Variants in UPK1B observed in about 807,000 individuals in gnomAD.
UPK1B encodes the protein uroplakin 1B, also known as uroplakin-1b.
UPK1B carries 28 observed loss-of-function variants against 34.2 expected under a neutral mutation model. The ratio of observed to expected loss-of-function variants is 0.82; its 90% CI spans 0.61 to 1.12. The LOEUF (loss-of-function observed/expected upper bound fraction) is 1.12, where lower values mean the gene tolerates loss of function less well. Among genes scored for constraint, UPK1B ranks in the 50% most tolerant of loss-of-function variants. The probability of loss-of-function intolerance (pLI) is 0.00; values close to 1 mark genes in which losing one functional copy is unlikely to be tolerated. For synonymous variants in UPK1B, 81 were observed against 110.4 expected (o/e 0.73, Z 1.67); for missense variants, 325 against 320.9 (o/e 1.01, Z -0.10).
At chr3:119,188,784 A>C (rs2078031125) in intron 3 of UPK1B, among the ~76,000 whole-genome samples, 1 of 151,900 alleles carries the variant, frequency 6.6e-6, no homozygotes, top group South Asian at 2.1e-4. Flanking sequence ...CCAATCCCCC[A>C]CCCCTGAAAT....
chr3:119,200,517 G>A (rs1361677370), intron 7 of UPK1B, among the ~76,000 whole-genome samples: 1 of 152,064 alleles, frequency 6.6e-6, no homozygotes, highest in Non-Finnish European at 1.5e-5. Context: ...TTGCTTATTT[G>A]GAAAAAATAT....
Position 119,179,507 on chromosome 3 carries a change from CTTTTTT to C in UPK1B, c.-29+5884_-29+5889del, listed in dbSNP as rs71297415. Among the ~76,000 whole-genome samples the C allele has an allele frequency of 9.6e-5, 5 of 52,254 alleles. 1 individual carries two copies. The highest frequency in any genetic ancestry group is 1.2e-3 in the South Asian group (2 of 1,620). The allele number at this position is 52,254 out of a possible 152,430, so 34.3% of individuals were successfully genotyped here. A position where few individuals can be genotyped will look rare whatever the true frequency, so the allele number is the denominator to read the frequency against. ...TTTGGGGAAGAGTTGATGTTGCAGT[CTTTTTT>C]TTTTTTTTTTTTTTGAGACGGAGTC... On this transcript the variant is annotated intron_variant, in intron 1 of 7. Transcript: ENST00000264234.
At chr3:119,196,353 C>A (rs1444070015) in intron 6 of UPK1B, among the ~76,000 whole-genome samples, 1 of 152,000 alleles carries the variant, frequency 6.6e-6, no homozygotes, top group Non-Finnish European at 1.5e-5. Flanking sequence ...TTATTGCATT[C>A]ACTACCTGGA....
chr3:119,179,369 ATATATATATATAT>A (rs1260144263), intron 1 of UPK1B, among the ~76,000 whole-genome samples: 1 of 62,396 alleles, frequency 1.6e-5, no homozygotes, highest in African/African-American at 5.9e-5. Context: ...ATATATATAT[ATATATATATATAT>A]ATATATATAT....
chr3:119,195,687 A>G (rs1223223358), intron 6 of UPK1B, among the ~76,000 whole-genome samples: 1 of 152,252 alleles, frequency 6.6e-6, no homozygotes, highest in Non-Finnish European at 1.5e-5. Context: ...TGCTCATGCA[A>G]ACAAATCTTG....
At chr3:119,187,667 C>A in intron 2 of UPK1B, 108 bp from the exon 3 acceptor site, 1 of 1,180,612 alleles carries the variant, frequency 8.5e-7, no homozygotes, top group Non-Finnish European at 1.3e-6. Context: ...AGATTAGTTG[C>A]ATAAAGCCTG....
chr3:119,182,322 A>C (rs761035029), intron 1 of UPK1B, among the ~76,000 whole-genome samples: 1 of 152,218 alleles, frequency 6.6e-6, no homozygotes, highest in African/African-American at 2.4e-5. Flanking sequence ...CTGTGAGACC[A>C]GTCACTGTTA....
At chr3:119,187,560 G>A (rs1323044631) in intron 2 of UPK1B, among the ~76,000 whole-genome samples, 1 of 152,178 alleles carries the variant, frequency 6.6e-6, no homozygotes, top group African/African-American at 2.4e-5. Context: ...AATTGTGTGG[G>A]TCTGTTACTA....
At position 119,204,058 on chromosome 3, in the gene UPK1B, C is replaced by G; in HGVS notation, c.*91C>G. On this transcript the variant is annotated 3_prime_UTR_variant, in exon 8 of 8. Transcript: ENST00000264234. ...TCTCCTAATATTCCACGTTTGTGCC[C>G]CACACTAACGTGTGTGTCTTACATT... is the stretch of plus-strand genomic sequence containing the variant. 1 of 1,425,570 alleles carries G rather than the reference C, an allele frequency of 7.0e-7. No homozygotes were observed. Among genetic ancestry groups the G allele is most frequent in the Non-Finnish European group, 9.8e-7 (1 of 1,017,658 alleles). 88.3% of individuals were successfully genotyped at this position (1,425,570 alleles called of 1,614,324 possible).
chr3:119,185,824 T>TA (rs1287846614), intron 1 of UPK1B, among the ~76,000 whole-genome samples: 1 of 152,198 alleles, frequency 6.6e-6, no homozygotes, highest in Non-Finnish European at 1.5e-5. Context: ...CCCACACACT[T>TA]ACCTTTGTGT....
intron 1 of UPK1B, among the ~76,000 whole-genome samples, chr3:119,183,994 T>C (rs757417769): frequency 3.9e-5 from 6 of 152,176 alleles, no homozygotes; most frequent in Non-Finnish European, 2.9e-5. Flanking sequence ...TCTTGCCCAC[T>C]GACATATCAC....
chr3:119,186,416 T>G (rs954623282), intron 1 of UPK1B, among the ~76,000 whole-genome samples: 2 of 152,164 alleles, frequency 1.3e-5, no homozygotes, highest in Non-Finnish European at 2.9e-5. Context: ...CCATCTCAGG[T>G]CTACCCCTTG....
chr3:119,183,344 C>T (rs1414331238), intron 1 of UPK1B, among the ~76,000 whole-genome samples: 1 of 151,608 alleles, frequency 6.6e-6, no homozygotes, highest in African/African-American at 2.4e-5. Context: ...TCACCACAAC[C>T]TCCACCTCCC....
At chr3:119,183,709 C>T (rs147441373) in intron 1 of UPK1B, among the ~76,000 whole-genome samples, 1 of 152,246 alleles carries the variant, frequency 6.6e-6, no homozygotes, top group Non-Finnish European at 1.5e-5. Context: ...TTTTAAGCCA[C>T]GAAGTTCGTG....
chr3:119,203,032 C>T (rs1285439665), intron 7 of UPK1B, among the ~76,000 whole-genome samples: 3 of 152,006 alleles, frequency 2.0e-5, no homozygotes, highest in African/African-American at 4.8e-5. Context: ...TTGCTTATAA[C>T]GAGATTACTC....
chr3:119,175,762 A>T (rs574606907), intron 1 of UPK1B, among the ~76,000 whole-genome samples: 1 of 152,348 alleles, frequency 6.6e-6, no homozygotes, highest in South Asian at 2.1e-4. Flanking sequence ...AATGTTCTAG[A>T]TAATAGACAC....
chr3:119,189,486 C>G (rs1025828247), intron 3 of UPK1B, among the ~76,000 whole-genome samples: 2 of 152,244 alleles, frequency 1.3e-5, no homozygotes, highest in African/African-American at 4.8e-5. Flanking sequence ...ATTTGCTGTT[C>G]GGATATTTTC....
intron 6 of UPK1B, among the ~76,000 whole-genome samples, chr3:119,198,013 A>G (rs1013985732): frequency 3.5e-4 from 53 of 152,340 alleles, no homozygotes; most frequent in African/African-American, 1.3e-3. Flanking sequence ...GGAGATCAGT[A>G]TGACAAAGTC....
chr3:119,191,951 A>T (rs1167660266), intron 5 of UPK1B, among the ~76,000 whole-genome samples: 1 of 152,116 alleles, frequency 6.6e-6, no homozygotes, highest in East Asian at 1.9e-4. Context: ...CTACCTCTTC[A>T]GTCATACTCC....
Sources: allele counts gnomAD v4.1 joint callset (sites outside exome capture counted in the v4.1 genomes callset), GRCh38; gene constraint gnomAD v4.1.1; transcripts MANE v1.5; gene names NCBI Gene and HGNC (gene_info 2026-07-23, HGNC 2026-07-21).